The following GUCY2F variants were observed in gnomAD, a reference collection of about 807,000 sequenced individuals.
GUCY2F encodes the protein guanylate cyclase 2F, retinal.
In GUCY2F, 61 loss-of-function variants were observed where a neutral mutation model predicts 73.1. The observed-to-expected ratio is 0.83, with a 90% confidence interval of 0.68 to 1.03. The LOEUF is 1.03. Among genes scored for constraint, GUCY2F ranks in the 50% least tolerant of loss-of-function variants. The pLI is 0.00. For missense variants in GUCY2F, 912 were observed against 854.3 expected, an observed-to-expected ratio of 1.07 and a Z score of -0.84; for synonymous variants, 331 against 307.8, an observed-to-expected ratio of 1.08 and a Z score of -0.79.
At chrX:109,383,858 C>T (rs1414409001) in intron 16 of GUCY2F, among the ~76,000 whole-genome samples, 1 of 112,383 alleles carries the variant, frequency 8.9e-6, no homozygotes, top group Non-Finnish European at 1.9e-5. Flanking sequence ...AATATGACTT[C>T]AGCCTTCTAC....
At position 109,423,225 on chromosome X, in the gene GUCY2F, T is replaced by C. The variant is rs780627139; in HGVS notation, c.1791+7082A>G. Among the ~76,000 whole-genome samples the C allele has an allele frequency of 1.8e-4, 20 of 112,297 alleles. 1 individual carries two copies. Among genetic ancestry groups the C allele is most frequent in the African/African-American group, 6.1e-4 (19 of 31,006 alleles). ...GATAATACATGGTTTCTGTTGTTGTTTTCTTTTGTCATAACCCTTTTTAAA... is the reference window on the plus strand; with the variant it reads ...GATAATACATGGTTTCTGTTGTTGTCTTCTTTTGTCATAACCCTTTTTAAA... On this transcript the variant is annotated intron_variant, in intron 8 of 19. Transcript: ENST00000218006.
At chrX:109,476,116 G>A (rs1345406805) in intron 1 of GUCY2F, 95 bp from the exon 2 acceptor site, 3 of 360,551 alleles carry the variant, frequency 8.3e-6, no homozygotes, top group Non-Finnish European at 9.3e-6. Context: ...AAAAAAAAAT[G>A]GCAGTGCCCA....
Position 109,453,573 on chromosome X carries a change from A to G in GUCY2F, c.1319T>C (p.Phe440Ser). 3.3e-6 allele frequency: 4 copies of G among 1,209,980 alleles called. No individual in the cohort carries two copies. Among genetic ancestry groups the G allele is most frequent in the Non-Finnish European group, 4.5e-6 (4 of 893,984 alleles). Residue 440 changes from phenylalanine (F) to serine (S), a missense_variant, in exon 4 of 20, where the codon TTC becomes TCC. By Grantham distance (155) the Phe-to-Ser change is radical. Coordinates refer to ENST00000218006, the MANE Select transcript of GUCY2F (RefSeq NM_001522.3). ...TGCTCTAGGGGGCCTGCCACCAGGG[A>G]AGTGAATAGGGGTCCCTCCGAAACG... ...LLRFGGTPIH[F>S]PGGRPPRADA...
At chrX:109,476,929 T>C in intron 1 of GUCY2F, among the ~76,000 whole-genome samples, 1 of 110,785 alleles carries the variant, frequency 9.0e-6, no homozygotes, top group Middle Eastern at 4.7e-3. Context: ...GTCTGTGATG[T>C]CAGACAAGGC....
chrX:109,381,696 C>T (rs982229213), intron 17 of GUCY2F, among the ~76,000 whole-genome samples: 1 of 111,614 alleles, frequency 9.0e-6, no homozygotes, highest in Non-Finnish European at 1.9e-5. Context: ...TGCCTTTCAC[C>T]CAGGAAGGGT....
intron 8 of GUCY2F, among the ~76,000 whole-genome samples, chrX:109,420,240 G>A (rs1603381838): frequency 5.0e-5 from 4 of 80,247 alleles, no homozygotes; most frequent in Non-Finnish European, 4.8e-5. Context: ...AAAAGAAGAA[G>A]AAGAAAAAGA....
rs752423933 is a variant in GUCY2F, at chrX:109,409,156, G to A, written c.1804C>T (p.Arg602Cys). The change falls in exon 9 of 20, where the codon CGT (arginine) becomes TGT (cysteine). Residue 602 changes from arginine (R) to cysteine (C), a missense_variant. Transcript: ENST00000218006. ...SDVFEMMKDL[R>C]HENINPLLGF... is the part of the protein sequence containing the mutation. ...AATAAAGGGTTAATATTCTCATGAC[G>A]CAAGTCCTTCATCTGGAAATGAGAG... The A allele has an allele frequency of 7.3e-6, 8 of 1,093,676 alleles. No individual in the cohort carries two copies. Among genetic ancestry groups the A allele is most frequent in the African/African-American group, 3.6e-5 (2 of 54,917 alleles). The allele number at this position is 1,093,676 out of a possible 1,213,427, so 90.1% of individuals were successfully genotyped here. A position where few individuals can be genotyped will look rare whatever the true frequency, so the allele number is the denominator to read the frequency against.
chrX:109,449,369 C>G (rs187472058), intron 5 of GUCY2F, among the ~76,000 whole-genome samples: 4 of 112,161 alleles, frequency 3.6e-5, no homozygotes, highest in Non-Finnish European at 7.5e-5. Context: ...ATTAAAAGAG[C>G]CCTGTAGTGG....
At chrX:109,412,501 G>A (rs1047936102) in intron 8 of GUCY2F, among the ~76,000 whole-genome samples, 1 of 112,075 alleles carries the variant, frequency 8.9e-6, no homozygotes, top group Non-Finnish European at 1.9e-5. Context: ...AGTTAAGGTG[G>A]ACAGAAACTC....
intron 7 of GUCY2F, among the ~76,000 whole-genome samples, chrX:109,434,910 C>T (rs1307553091): frequency 1.8e-5 from 2 of 110,530 alleles, no homozygotes; most frequent in Admixed American, 9.5e-5. Flanking sequence ...TTGTTTTTCT[C>T]AGGTTTGTCA....
intron 9 of GUCY2F, among the ~76,000 whole-genome samples, 175 bp from the exon 10 acceptor site, chrX:109,404,659 G>C (rs1027690246): frequency 8.9e-6 from 1 of 111,878 alleles, no homozygotes; most frequent in Admixed American, 9.5e-5. Context: ...CAGATCCCTC[G>C]TAGCTCTAAA....
At chrX:109,467,719 A>G (rs1195496506) in intron 2 of GUCY2F, among the ~76,000 whole-genome samples, 1 of 111,975 alleles carries the variant, frequency 8.9e-6, no homozygotes, top group Non-Finnish European at 1.9e-5. Flanking sequence ...ACATCCTCTC[A>G]GTAGTGTGCT....
intron 17 of GUCY2F, among the ~76,000 whole-genome samples, chrX:109,378,025 C>A (rs965173256): frequency 9.0e-6 from 1 of 111,316 alleles, no homozygotes. Context: ...AGAGAGAAAA[C>A]AAGTATGGCA....
intron 7 of GUCY2F, among the ~76,000 whole-genome samples, chrX:109,432,626 A>T (rs1442257067): frequency 1.8e-5 from 2 of 112,046 alleles, no homozygotes; most frequent in Non-Finnish European, 3.8e-5. Context: ...GTATATCATC[A>T]TACAGCCTGT....
At chrX:109,416,173 T>C (rs1177559021) in intron 8 of GUCY2F, among the ~76,000 whole-genome samples, 2 of 104,925 alleles carry the variant, frequency 1.9e-5, no homozygotes, top group African/African-American at 7.1e-5. Flanking sequence ...TACAAAGAAA[T>C]AGAAAAAAAT....
chrX:109,478,124 C>T (rs1427315425), intron 1 of GUCY2F, among the ~76,000 whole-genome samples: 1 of 111,838 alleles, frequency 8.9e-6, no homozygotes, highest in Non-Finnish European at 1.9e-5. Flanking sequence ...TCCAGTCTAA[C>T]CTGCCTCCAA....
intron 7 of GUCY2F, among the ~76,000 whole-genome samples, chrX:109,435,837 AG>A (rs1931732362): frequency 2.7e-5 from 3 of 111,600 alleles, no homozygotes; most frequent in East Asian, 2.8e-4. Context: ...TTTAGCATGA[AG>A]GGTTGTTGAA....
intron 7 of GUCY2F, 81 bp from the exon 8 acceptor site, chrX:109,430,477 G>A: frequency 1.7e-6 from 1 of 573,817 alleles, no homozygotes; most frequent in Non-Finnish European, 3.0e-6. Context: ...CCACATAAAG[G>A]GTTTATACCT....
chrX:109,376,190 A>C (rs1279126397), intron 17 of GUCY2F, 23 bp from the exon 18 acceptor site: 9 of 1,044,106 alleles, frequency 8.6e-6, no homozygotes, highest in Non-Finnish European at 1.2e-5. Flanking sequence ...AACATAAAAA[A>C]TCTTAAGCCT....
Sources: gnomAD v4.1 joint callset for allele counts (sites outside exome capture counted in the v4.1 genomes callset) on GRCh38, gnomAD v4.1.1 for gene constraint, MANE v1.5 for transcripts, NCBI Gene and HGNC (gene_info 2026-07-23, HGNC 2026-07-21) for gene names.